The following EYA2 variants were observed in gnomAD, a reference collection of about 807,000 sequenced individuals.
EYA2 encodes the protein protein phosphatase EYA2.
In EYA2, 31 loss-of-function variants were observed where a neutral mutation model predicts 69.2. That is an observed-to-expected ratio of 0.45 (90% CI 0.34 to 0.60). The LOEUF (loss-of-function observed/expected upper bound fraction) is 0.60. Among genes scored for constraint, EYA2 ranks in the 20% least tolerant of loss-of-function variants. EYA2 has a pLI of 0.02. For missense variants in EYA2, 622 were observed against 701.2 expected (o/e 0.89, Z 1.28); for synonymous variants, 257 against 279.4 (o/e 0.92, Z 0.80).
intron 7 of EYA2, among the ~76,000 whole-genome samples, chr20:47,082,438 A>G (rs368551404): frequency 7.3e-6 from 1 of 136,174 alleles, no homozygotes; most frequent in Non-Finnish European, 1.7e-5. Context: ...CTAAAAATCA[A>G]CAAACAACAG....
At chr20:46,901,126 G>A (rs1984082392) in intron 1 of EYA2, 1 of 152,162 alleles carries the variant, frequency 6.6e-6, no homozygotes, top group Non-Finnish European at 1.5e-5. Context: ...TTGTGGTAAA[G>A]GGAGATAGGA....
At chr20:46,992,928 C>T (rs112207256) in intron 2 of EYA2, among the ~76,000 whole-genome samples, 2,306 of 152,256 alleles carry the variant, frequency 0.015, 35 homozygotes, top group African/African-American at 0.042. Flanking sequence ...TCTCCCTCCT[C>T]CTGGGCCATT....
intron 12 of EYA2, among the ~76,000 whole-genome samples, chr20:47,174,430 C>T (rs1003331651): frequency 1.3e-5 from 2 of 152,226 alleles, no homozygotes; most frequent in South Asian, 2.1e-4. Context: ...ATACAAAAGG[C>T]ATGACTCCAT....
chr20:46,970,473 A>G (rs1390548931), intron 1 of EYA2, among the ~76,000 whole-genome samples: 3 of 152,194 alleles, frequency 2.0e-5, no homozygotes, highest in African/African-American at 7.2e-5. Flanking sequence ...ATGCTGCTAA[A>G]CAGCCTGCAA....
chr20:47,013,799 C>T (rs573958443), intron 4 of EYA2, among the ~76,000 whole-genome samples: 3 of 152,294 alleles, frequency 2.0e-5, no homozygotes, highest in Admixed American at 6.5e-5. Context: ...CCCAATGCAA[C>T]GTTAACGACT....
At chr20:47,028,872 C>T (rs184653912) in intron 5 of EYA2, among the ~76,000 whole-genome samples, 10 of 152,144 alleles carry the variant, frequency 6.6e-5, no homozygotes, top group African/African-American at 1.4e-4. Flanking sequence ...CCCTATATAC[C>T]GGGGTAGCCC....
intron 10 of EYA2, among the ~76,000 whole-genome samples, chr20:47,151,744 CTT>C (rs2033827402): frequency 6.6e-6 from 1 of 151,986 alleles, no homozygotes; most frequent in South Asian, 2.1e-4. Context: ...ATTTTGTACT[CTT>C]TGTAACCATT....
chr20:47,028,927 A>T (rs1302101007), intron 5 of EYA2, among the ~76,000 whole-genome samples: 1 of 150,528 alleles, frequency 6.6e-6, no homozygotes, highest in African/African-American at 2.5e-5. Flanking sequence ...ATTATTCAAA[A>T]TTTAAATTAA....
chr20:46,957,251 T>C (rs760369063), intron 1 of EYA2, among the ~76,000 whole-genome samples: 3 of 152,188 alleles, frequency 2.0e-5, no homozygotes, highest in Admixed American at 6.5e-5. Flanking sequence ...CCTTCCTCCT[T>C]CTTTACTGCT....
intron 5 of EYA2, among the ~76,000 whole-genome samples, chr20:47,051,797 T>C (rs1342302863): frequency 6.6e-6 from 1 of 152,216 alleles, no homozygotes; most frequent in Non-Finnish European, 1.5e-5. Flanking sequence ...CAGTAGGTGC[T>C]CAGGAAACAT....
At chr20:46,942,289 C>A (rs1354726708) in intron 1 of EYA2, among the ~76,000 whole-genome samples, 1 of 152,038 alleles carries the variant, frequency 6.6e-6, no homozygotes, top group South Asian at 2.1e-4. Flanking sequence ...CTCACTGCAG[C>A]CTTGACCTCC....
chr20:47,177,643 C>T (rs545781973), intron 12 of EYA2, among the ~76,000 whole-genome samples: 5 of 152,320 alleles, frequency 3.3e-5, no homozygotes, highest in South Asian at 2.1e-4. Context: ...AGAGAGCTGG[C>T]GGTGTCCAGA....
intron 1 of EYA2, among the ~76,000 whole-genome samples, chr20:46,919,864 G>A (rs993461864): frequency 2.6e-5 from 4 of 152,138 alleles, no homozygotes; most frequent in East Asian, 1.9e-4. Flanking sequence ...AAAGCCATGC[G>A]ACTCTTCCTT....
intron 1 of EYA2, among the ~76,000 whole-genome samples, chr20:46,914,946 T>TG (rs1365749098): frequency 3.3e-5 from 5 of 152,282 alleles, no homozygotes; most frequent in African/African-American, 1.2e-4. Context: ...AGCTGGAGTA[T>TG]GGGGACAGGG....
chr20:46,909,939 T>G (rs1032732679), intron 1 of EYA2, among the ~76,000 whole-genome samples: 1 of 152,222 alleles, frequency 6.6e-6, no homozygotes, highest in Non-Finnish European at 1.5e-5. Flanking sequence ...TAGGTCAGTA[T>G]TTTTAAGACC....
rs566530069 is a variant in EYA2, at chr20:46,937,228, G to A, written c.-11+42241G>A. Among the ~76,000 whole-genome samples, 10 of 152,142 alleles carry A rather than the reference G, an allele frequency of 6.6e-5. No individual in the cohort carries two copies. In the East Asian group the frequency reaches 7.7e-4, roughly 12 times the overall value. On this transcript the variant is annotated intron_variant, in intron 1 of 15. Coordinates refer to ENST00000327619, the MANE Select transcript of EYA2 (RefSeq NM_005244.5). Reference sequence around the variant, plus strand: ...ATGAATCTATGGGAGGAACTTCATCGAGAAAAAGGAGTTTATAATCGTCAT... The same window carrying A: ...ATGAATCTATGGGAGGAACTTCATCAAGAAAAAGGAGTTTATAATCGTCAT...
intron 10 of EYA2, among the ~76,000 whole-genome samples, chr20:47,168,184 TG>T (rs1448502902): frequency 1.1e-5 from 1 of 92,610 alleles, no homozygotes; most frequent in Non-Finnish European, 2.2e-5. Context: ...CGTAGTCTTT[TG>T]TTTTTTTGTT....
intron 1 of EYA2, among the ~76,000 whole-genome samples, chr20:46,945,583 A>G (rs1190059142): frequency 6.6e-6 from 1 of 152,206 alleles, no homozygotes; most frequent in African/African-American, 2.4e-5. Flanking sequence ...CACATTCCCC[A>G]GAGCTCTTTG....
At chr20:46,984,381 G>A (rs1204172868) in intron 1 of EYA2, among the ~76,000 whole-genome samples, 3 of 148,218 alleles carry the variant, frequency 2.0e-5, no homozygotes, top group Non-Finnish European at 3.0e-5. Flanking sequence ...AAATCAGTAA[G>A]AAAAAAAAAA....
Sources: gnomAD v4.1 joint callset for allele counts (sites outside exome capture counted in the v4.1 genomes callset) on GRCh38, gnomAD v4.1.1 for gene constraint, MANE v1.5 for transcripts, NCBI Gene and HGNC (gene_info 2026-07-23, HGNC 2026-07-21) for gene names.